The following BNC2 variants were observed in gnomAD, a reference collection of about 807,000 sequenced individuals.
The protein encoded by BNC2 is basonuclin zinc finger protein 2, also known as zinc finger protein basonuclin-2.
Under a neutral mutation model 76.3 loss-of-function variants are expected in BNC2, and 20 were observed. The observed-to-expected ratio is 0.26, with a 90% CI of 0.18 to 0.38. The LOEUF is 0.38. Among genes scored for constraint, BNC2 ranks in the 10% least tolerant of loss-of-function variants. The pLI is 1.00. For synonymous variants in BNC2, 582 were observed against 514.8 expected, an observed-to-expected ratio of 1.13 and a Z score of -1.77; for missense variants, 1,382 against 1,399.8, an observed-to-expected ratio of 0.99 and a Z score of 0.20.
At chr9:16,635,949 G>A (rs896200368) in intron 3 of BNC2, among the ~76,000 whole-genome samples, 6 of 152,194 alleles carry the variant, frequency 3.9e-5, no homozygotes, top group African/African-American at 1.2e-4. Flanking sequence ...GTAAGGGAAT[G>A]TGTAGAACAG....
At chr9:16,759,917 G>T (rs1163981893) in intron 1 of BNC2, among the ~76,000 whole-genome samples, 1 of 152,088 alleles carries the variant, frequency 6.6e-6, no homozygotes, top group Non-Finnish European at 1.5e-5. Context: ...TAGAGACGGG[G>T]TTTCACCGCA....
chr9:16,707,517 C>A (rs1823715105), intron 3 of BNC2, among the ~76,000 whole-genome samples: 1 of 152,210 alleles, frequency 6.6e-6, no homozygotes, highest in Non-Finnish European at 1.5e-5. Context: ...GTTGCACCTG[C>A]AGTACATGTA....
chr9:16,657,342 A>G (rs1049511239), intron 3 of BNC2, among the ~76,000 whole-genome samples: 3 of 152,204 alleles, frequency 2.0e-5, no homozygotes, highest in African/African-American at 7.2e-5. Flanking sequence ...AAAGACTTAA[A>G]GGTGGAGCAA....
intron 3 of BNC2, among the ~76,000 whole-genome samples, chr9:16,649,063 G>T (rs1821720867): frequency 6.6e-6 from 1 of 152,176 alleles, no homozygotes; most frequent in African/African-American, 2.4e-5. Context: ...GTGTGTGAAT[G>T]CATATATCAT....
At chr9:16,718,085 C>T (rs1217519282) in intron 3 of BNC2, among the ~76,000 whole-genome samples, 1 of 152,180 alleles carries the variant, frequency 6.6e-6, no homozygotes, top group African/African-American at 2.4e-5. Context: ...TGCTTCCTAT[C>T]AACAGATTAA....
chr9:16,734,489 C>T (rs912787434), intron 2 of BNC2, among the ~76,000 whole-genome samples: 1 of 152,182 alleles, frequency 6.6e-6, no homozygotes, highest in East Asian at 1.9e-4. Flanking sequence ...CATGTCACTT[C>T]ATATTTACAA....
chr9:16,612,971 G>C (rs1820591823), intron 3 of BNC2, among the ~76,000 whole-genome samples: 1 of 152,126 alleles, frequency 6.6e-6, no homozygotes, highest in Non-Finnish European at 1.5e-5. Context: ...AGCCAAGATG[G>C]GGAAAGAAGA....
At chr9:16,774,529 A>C (rs906569959) in intron 1 of BNC2, among the ~76,000 whole-genome samples, 3 of 152,210 alleles carry the variant, frequency 2.0e-5, no homozygotes, top group Non-Finnish European at 4.4e-5. Context: ...AATATCTATG[A>C]TTTCAATGTT....
chr9:16,774,569 T>G lies in BNC2; in HGVS notation c.4-36084A>C, dbSNP rs536562117. 2.0e-5 allele frequency among the ~76,000 whole-genome samples: 3 copies of G among 152,334 alleles called. No homozygotes were observed. In the South Asian group the frequency reaches 6.2e-4, roughly 32 times the overall value. On this transcript the variant is annotated intron_variant, in intron 1 of 6. Coordinates refer to ENST00000380672, the MANE Select transcript of BNC2 (RefSeq NM_017637.6). Reference sequence around the variant, plus strand: ...TCCTCATCCAACTTTTAAATCTCCATTGTGATAAAACTTACAAATAAGGCT... The same window carrying G: ...TCCTCATCCAACTTTTAAATCTCCAGTGTGATAAAACTTACAAATAAGGCT...
intron 5 of BNC2, among the ~76,000 whole-genome samples, chr9:16,454,198 C>A (rs1821399001): frequency 6.6e-6 from 1 of 152,126 alleles, no homozygotes; most frequent in African/African-American, 2.4e-5. Flanking sequence ...CTCAGATAAT[C>A]CCTTACAGTA....
intron 3 of BNC2, among the ~76,000 whole-genome samples, chr9:16,720,713 T>C (rs924529390): frequency 5.9e-5 from 9 of 152,230 alleles, no homozygotes; most frequent in African/African-American, 2.2e-4. Context: ...ATCGGAATGA[T>C]GATTAATAAG....
chr9:16,446,100 G>C (rs1245969566), intron 5 of BNC2, among the ~76,000 whole-genome samples: 2 of 152,056 alleles, frequency 1.3e-5, no homozygotes, highest in Non-Finnish European at 2.9e-5. Context: ...TGCATATAAA[G>C]ATTGATACTT....
chr9:16,751,256 G>A (rs527518933), intron 1 of BNC2, among the ~76,000 whole-genome samples: 2 of 125,074 alleles, frequency 1.6e-5, no homozygotes, highest in African/African-American at 5.1e-5. Flanking sequence ...AAATTGCATT[G>A]AAAATGGTTT....
chr9:16,844,318 A>T (rs1397898093), intron 1 of BNC2, among the ~76,000 whole-genome samples: 2 of 152,050 alleles, frequency 1.3e-5, no homozygotes, highest in African/African-American at 4.8e-5. Flanking sequence ...ACTGCATAAA[A>T]TATCCATATG....
intron 5 of BNC2, among the ~76,000 whole-genome samples, chr9:16,536,100 G>T (rs974917337): frequency 6.6e-6 from 1 of 151,892 alleles, no homozygotes; most frequent in African/African-American, 2.4e-5. Context: ...ATAATAAAAT[G>T]CTGGGAATTT....
chr9:16,754,780 A>T (rs540555124), intron 1 of BNC2, among the ~76,000 whole-genome samples: 2 of 151,700 alleles, frequency 1.3e-5, no homozygotes, highest in African/African-American at 2.4e-5. Context: ...CTGCTCTCGA[A>T]CTCCTCACCT....
At chr9:16,780,813 C>T (rs10810623) in intron 1 of BNC2, among the ~76,000 whole-genome samples, 139,624 of 152,104 alleles carry the variant, frequency 0.92, 64,085 homozygotes, top group East Asian at 0.99. Flanking sequence ...GAATACCTTG[C>T]TATGTGGGAA....
intron 5 of BNC2, among the ~76,000 whole-genome samples, chr9:16,441,012 C>T (rs567533285): frequency 2.4e-4 from 37 of 152,296 alleles, no homozygotes; most frequent in African/African-American, 8.7e-4. Flanking sequence ...CTTGATAGTG[C>T]CATAGGTGTC....
chr9:16,492,975 T>G (rs1231483888), intron 5 of BNC2, among the ~76,000 whole-genome samples: 1 of 152,270 alleles, frequency 6.6e-6, no homozygotes, highest in African/African-American at 2.4e-5. Flanking sequence ...AATATTATGA[T>G]GCCATTAAGA....
Sources: allele counts gnomAD v4.1 joint callset (sites outside exome capture counted in the v4.1 genomes callset), GRCh38; gene constraint gnomAD v4.1.1; transcripts MANE v1.5; gene names NCBI Gene and HGNC (gene_info 2026-07-23, HGNC 2026-07-21).